Variants in EFNA5 observed in about 807,000 individuals in gnomAD.
EFNA5 encodes the protein ephrin A5, also known as ephrin-A5.
Under a neutral mutation model 22.9 loss-of-function variants are expected in EFNA5, and 5 were observed. The observed-to-expected ratio is 0.22, with a 90% CI of 0.11 to 0.46. The LOEUF is 0.46. Ranked by LOEUF, EFNA5 falls within the 20% of genes least tolerant of loss-of-function variation. EFNA5 has a pLI of 0.99. For synonymous variants in EFNA5, 113 were observed against 112.2 expected (o/e 1.01, Z -0.04); for missense variants, 237 against 293.3 (o/e 0.81, Z 1.40).
intron 1 of EFNA5, among the ~76,000 whole-genome samples, chr5:107,556,574 C>T (rs1341733461): frequency 6.6e-6 from 1 of 151,752 alleles, no homozygotes; most frequent in South Asian, 2.1e-4. Flanking sequence ...GATGAAACCC[C>T]GTTTCTAGTA....
chr5:107,436,794 G>A (rs987105887), intron 1 of EFNA5, among the ~76,000 whole-genome samples: 1 of 152,088 alleles, frequency 6.6e-6, no homozygotes, highest in Admixed American at 6.6e-5. Context: ...GGATGTGGGC[G>A]TCAATCAAAC....
intron 1 of EFNA5, among the ~76,000 whole-genome samples, chr5:107,543,636 A>C (rs1404656611): frequency 6.6e-6 from 1 of 152,242 alleles, no homozygotes; most frequent in Non-Finnish European, 1.5e-5. Context: ...ATCGTTTGGG[A>C]ATACAGCAGA....
At chr5:107,663,827 A>T (rs1332841987) in intron 1 of EFNA5, among the ~76,000 whole-genome samples, 2 of 152,186 alleles carry the variant, frequency 1.3e-5, no homozygotes, top group African/African-American at 4.8e-5. Context: ...AAATCATTCA[A>T]ACGTATTTTT....
At chr5:107,458,805 T>C (rs1561395208) in intron 1 of EFNA5, among the ~76,000 whole-genome samples, 1 of 152,300 alleles carries the variant, frequency 6.6e-6, no homozygotes, top group South Asian at 2.1e-4. Flanking sequence ...ATTTTCTTAT[T>C]GTGTGCAAGA....
intron 1 of EFNA5, among the ~76,000 whole-genome samples, chr5:107,610,213 A>G (rs113527663): frequency 1.3e-5 from 2 of 152,230 alleles, no homozygotes; most frequent in South Asian, 2.1e-4. Context: ...GGTCACAGGG[A>G]AATTACACTT....
intron 2 of EFNA5, among the ~76,000 whole-genome samples, chr5:107,404,370 T>C (rs1394331773): frequency 6.6e-6 from 1 of 152,252 alleles, no homozygotes; most frequent in African/African-American, 2.4e-5. Flanking sequence ...TATTTTTCTC[T>C]ATTTAACTTG....
At chr5:107,509,485 ATTT>A (rs35228224) in intron 1 of EFNA5, among the ~76,000 whole-genome samples, 3 of 125,224 alleles carry the variant, frequency 2.4e-5, no homozygotes, top group Non-Finnish European at 3.3e-5. Context: ...TGCTTGGCTA[ATTT>A]TTTTTTTTTT....
intron 1 of EFNA5, among the ~76,000 whole-genome samples, chr5:107,458,782 GT>G (rs1165356976): frequency 6.6e-6 from 1 of 152,136 alleles, no homozygotes; most frequent in African/African-American, 2.4e-5. Context: ...CACTTCAGTG[GT>G]TTTTAAGAAG....
At chr5:107,398,310 A>C (rs1747982773) in intron 2 of EFNA5, among the ~76,000 whole-genome samples, 1 of 152,144 alleles carries the variant, frequency 6.6e-6, no homozygotes, top group Non-Finnish European at 1.5e-5. Flanking sequence ...CTCCAACACA[A>C]TAACCCTCTT....
chr5:107,525,667 A>G (rs1308997577), intron 1 of EFNA5, among the ~76,000 whole-genome samples: 1 of 152,214 alleles, frequency 6.6e-6, no homozygotes. Flanking sequence ...GTGGATTATC[A>G]TAAGTTTTCA....
At chr5:107,381,420 T>G (rs781084565) in intron 4 of EFNA5, 44 bp from the exon 5 acceptor site, 1 of 1,570,478 alleles carries the variant, frequency 6.4e-7, no homozygotes. Flanking sequence ...TTTCACATCC[T>G]TAATAACTCT....
At chr5:107,589,113 T>C (rs758837411) in intron 1 of EFNA5, among the ~76,000 whole-genome samples, 17 of 152,236 alleles carry the variant, frequency 1.1e-4, no homozygotes, top group Admixed American at 2.0e-4. Flanking sequence ...TGGCTGCAAA[T>C]TGGGGGCAAA....
chr5:107,649,207 C>T (rs545060676), intron 1 of EFNA5, among the ~76,000 whole-genome samples: 1 of 152,104 alleles, frequency 6.6e-6, no homozygotes, highest in East Asian at 1.9e-4. Context: ...CCAGAGCAAT[C>T]GATGACTTGA....
chr5:107,566,741 T>C (rs1464335954), intron 1 of EFNA5, among the ~76,000 whole-genome samples: 1 of 152,236 alleles, frequency 6.6e-6, no homozygotes, highest in African/African-American at 2.4e-5. Context: ...GGATAAACAC[T>C]GCCTGCGATA....
At chr5:107,648,951 T>C (rs895695599) in intron 1 of EFNA5, among the ~76,000 whole-genome samples, 8 of 152,142 alleles carry the variant, frequency 5.3e-5, no homozygotes, top group Non-Finnish European at 4.4e-5. Context: ...AAGTAAATCA[T>C]AAGTTTTTAA....
At chr5:107,621,842 A>C (rs1241798733) in intron 1 of EFNA5, among the ~76,000 whole-genome samples, 1 of 152,200 alleles carries the variant, frequency 6.6e-6, no homozygotes, top group Non-Finnish European at 1.5e-5. Flanking sequence ...TATTAACATA[A>C]AAGAAACAAG....
chr5:107,421,848 A>T (rs1163023037), intron 2 of EFNA5, among the ~76,000 whole-genome samples: 1 of 150,788 alleles, frequency 6.6e-6, no homozygotes, highest in Admixed American at 6.6e-5. Flanking sequence ...CTGGAGTGCA[A>T]TGGAGCGATC....
chr5:107,491,026 T>G (rs926841710), intron 1 of EFNA5, among the ~76,000 whole-genome samples: 1 of 152,252 alleles, frequency 6.6e-6, no homozygotes, highest in Admixed American at 6.5e-5. Flanking sequence ...GAACACATTT[T>G]ACATTTATTC....
chr5:107,670,030 TAAAAAAAAAAAAA>T (rs67814628), intron 1 of EFNA5, among the ~76,000 whole-genome samples: 1 of 116,702 alleles, frequency 8.6e-6, no homozygotes, highest in Non-Finnish European at 1.7e-5. Flanking sequence ...AAATTAAAAT[TAAAAAAAAAAAAA>T]AAAAAAAAAA....
Sources: gnomAD v4.1 joint callset for allele counts (sites outside exome capture counted in the v4.1 genomes callset) on GRCh38, gnomAD v4.1.1 for gene constraint, MANE v1.5 for transcripts, NCBI Gene and HGNC (gene_info 2026-07-23, HGNC 2026-07-21) for gene names.